The following TEX14 variants were observed in gnomAD, a reference collection of about 807,000 sequenced individuals.
TEX14 encodes the protein testis expressed 14, intercellular bridge forming factor.
TEX14 carries 168 observed loss-of-function variants against 178.6 expected under a neutral mutation model. The observed-to-expected ratio is 0.94, with a 90% CI of 0.83 to 1.07. The LOEUF (loss-of-function observed/expected upper bound fraction) is 1.07. Among genes scored for constraint, TEX14 ranks in the 50% least tolerant of loss-of-function variants. The pLI is 0.00. For synonymous variants in TEX14, 626 were observed against 634.1 expected, an observed-to-expected ratio of 0.99 and a Z score of 0.19; for missense variants, 1,730 against 1,753.6, an observed-to-expected ratio of 0.99 and a Z score of 0.24.
chr17:58,634,216 C>G (rs563625142), intron 2 of TEX14, among the ~76,000 whole-genome samples: 3 of 151,848 alleles, frequency 2.0e-5, no homozygotes, highest in Non-Finnish European at 4.4e-5. Context: ...AGTTCAAGAC[C>G]AGCTTGGCCA....
rs555582547 is a variant in TEX14, at chr17:58,629,776, A to G, written c.251+664T>C. On this transcript the variant is annotated intron_variant, in intron 3 of 31. Coordinates refer to ENST00000349033, the MANE Select transcript of TEX14 (RefSeq NM_031272.5). Reference sequence around the variant, plus strand: ...CGTGAACTCGGGAGGCAGAGCTTGCAGTGAGCCGAGATCGCACCACTGCAC... The same window carrying G: ...CGTGAACTCGGGAGGCAGAGCTTGCGGTGAGCCGAGATCGCACCACTGCAC... Among the ~76,000 whole-genome samples, 114 of 151,500 alleles carry G rather than the reference A, an allele frequency of 7.5e-4. 1 individual carries two copies. Among genetic ancestry groups the G allele is most frequent in the Non-Finnish European group, 1.5e-3 (99 of 67,870 alleles).
chr17:58,587,596 G>T lies in TEX14; in HGVS notation c.2773C>A (p.His925Asn). Reference protein sequence around the residue: ...ESRNKDDGKVHLKWKMEVKEM... With the variant: ...ESRNKDDGKVNLKWKMEVKEM... ...TTATACTCACTTTTCCATTTTAAGT[G>T]TACCTTTCCATCATCTTTATTTCTG... Residue 925 changes from histidine (H) to asparagine (N), a missense_variant, in exon 17 of 32, where the codon CAC (histidine) becomes AAC (asparagine). His to Asn is a moderately conservative substitution (Grantham distance 68). This residue lies in a region of TEX14 where 941 missense variants were observed against 1,072.4 expected (regional missense o/e 0.88). Transcript: ENST00000349033. 3.1e-6 allele frequency: 5 copies of T among 1,590,444 alleles called. No individual in the cohort carries two copies. The highest frequency in any genetic ancestry group is 4.3e-6 in the Non-Finnish European group (5 of 1,163,648).
In TEX14 at chr17:58,561,530, C is replaced by T; in HGVS notation, c.4147G>A (p.Gly1383Ser). 2 of 1,612,114 alleles carry T rather than the reference C, an allele frequency of 1.2e-6. No homozygotes were observed. The highest frequency in any genetic ancestry group is 1.7e-6 in the Non-Finnish European group (2 of 1,178,168). Residue 1383 changes from glycine (G) to serine (S), a missense_variant, in exon 29 of 32, where the codon GGC becomes AGC. This residue lies in a region of TEX14 where 941 missense variants were observed against 1,072.4 expected (regional missense o/e 0.88). Coordinates refer to ENST00000349033, the MANE Select transcript of TEX14 (RefSeq NM_031272.5). ...ESVELQDLPK[G>S]SERETNIKDQ... The stretch of plus-strand genomic sequence containing the variant: ...TTGGGGAACAATAACCTTTCAGAGC[C>T]CTTGGGAAGGTCTTGTAGCTCCACG...
chr17:58,594,176 A>G (rs568350920), intron 14 of TEX14, among the ~76,000 whole-genome samples: 1 of 152,098 alleles, frequency 6.6e-6, no homozygotes, highest in South Asian at 2.1e-4. Flanking sequence ...CCAGGAACCT[A>G]GCCCAGACAG....
rs914830177 is a variant in TEX14 at position 58,616,303 on chromosome 17, A to T, written c.639T>A (p.Phe213Leu). ...QNIYSFGFGK[F>L]YLTGATQMAY... ...CCATCTGTGTCGCCCCAGTAAGATA[A>T]AACTGAAACCAAGGCATAGCCTCAA... Residue 213 changes from phenylalanine (F) to leucine (L), a missense_variant and splice_region_variant, in exon 7 of 32, where the codon TTT becomes TTA. Physicochemically the swap from Phe to Leu is conservative, Grantham distance 22. Coordinates refer to ENST00000349033, the MANE Select transcript of TEX14 (RefSeq NM_031272.5). The T allele has an allele frequency of 1.1e-5, 17 of 1,612,332 alleles. No individual in the cohort carries two copies. The African/African-American group carries it at 2.1e-4, about 20-fold the overall frequency.
intron 1 of TEX14, among the ~76,000 whole-genome samples, chr17:58,659,137 G>C (rs902282983): frequency 6.0e-5 from 9 of 150,824 alleles, no homozygotes; most frequent in Non-Finnish European, 1.2e-4. Context: ...TTTTAAACTA[G>C]TTCAATCACA....
chr17:58,559,703 T>C (rs1420538812), intron 29 of TEX14, 141 bp from the exon 30 acceptor site: 1 of 609,314 alleles, frequency 1.6e-6, no homozygotes. Flanking sequence ...GTGTTCTCTA[T>C]GCACCAGGCA....
intron 1 of TEX14, among the ~76,000 whole-genome samples, chr17:58,662,452 CAG>C (rs2047133494): frequency 6.8e-6 from 1 of 147,028 alleles, no homozygotes; most frequent in East Asian, 2.0e-4. Context: ...CACACACACA[CAG>C]AATCAAACCA....
chr17:58,662,958 A>T (rs1382317435), intron 1 of TEX14, among the ~76,000 whole-genome samples: 1 of 152,058 alleles, frequency 6.6e-6, no homozygotes, highest in East Asian at 1.9e-4. Flanking sequence ...GCACAAAAAA[A>T]TTAGCCGGGC....
intron 3 of TEX14, among the ~76,000 whole-genome samples, chr17:58,623,346 C>T (rs969636592): frequency 6.6e-6 from 1 of 152,102 alleles, no homozygotes; most frequent in Non-Finnish European, 1.5e-5. Flanking sequence ...TTTTCTTTCC[C>T]CAGCACTCTG....
At chr17:58,628,583 G>A (rs1438800190) in intron 3 of TEX14, among the ~76,000 whole-genome samples, 5 of 152,076 alleles carry the variant, frequency 3.3e-5, no homozygotes, top group Non-Finnish European at 7.4e-5. Context: ...GTGGTGGCAC[G>A]CGCTTGTAGT....
chr17:58,638,304 T>C (rs1227450977), intron 2 of TEX14, among the ~76,000 whole-genome samples: 3 of 152,080 alleles, frequency 2.0e-5, no homozygotes, highest in Non-Finnish European at 4.4e-5. Context: ...AGCCCAGTAG[T>C]TCAAGACCAG....
intron 2 of TEX14, among the ~76,000 whole-genome samples, chr17:58,643,391 C>A (rs16943147): frequency 0.15 from 22,240 of 151,990 alleles, 2,520 homozygotes; most frequent in East Asian, 0.31. Flanking sequence ...ATACAGCCTA[C>A]CCAAGCTGAC....
Position 58,557,058 on chromosome 17 carries a change from G to A in TEX14, c.4320-11C>T, listed in dbSNP as rs2044150649. ...TCCAGCACGATTATCCTATGCACAT[G>A]TTTTTTAAAGAACAAAAAAGGAAGT... is the stretch of plus-strand genomic sequence containing the variant. On this transcript the variant is annotated splice_polypyrimidine_tract_variant and intron_variant, in intron 31 of 31. Coordinates refer to ENST00000349033, the MANE Select transcript of TEX14 (RefSeq NM_031272.5). 1.2e-6 allele frequency: 2 copies of A among 1,612,682 alleles called. No homozygotes were observed. The highest frequency in any genetic ancestry group is 1.7e-5 in the Admixed American group (1 of 59,972).
In TEX14 at chr17:58,621,673, G is replaced by A. The variant is rs200087418; in HGVS notation, c.531C>T (p.Ser177=). The change falls in exon 5 of 32, where the codon TCC becomes TCT. Residue 177 remains serine, a synonymous_variant. Transcript: ENST00000349033. ...ACCCCTGCACGAGGCCCCCACACCAGGACGGGCTGTAGACAAGCCGCTGCG... is the reference window on the plus strand; with the variant it reads ...ACCCCTGCACGAGGCCCCCACACCAAGACGGGCTGTAGACAAGCCGCTGCG... ...DSPQRLVYSP[S]WCGGLVQGNP... The A allele has an allele frequency of 2.5e-6, 4 of 1,614,100 alleles. No homozygotes were observed. The highest frequency in any genetic ancestry group is 2.7e-5 in the African/African-American group (2 of 75,058).
At chr17:58,649,078 CTTT>C (rs554128326) in intron 2 of TEX14, among the ~76,000 whole-genome samples, 1 of 133,260 alleles carries the variant, frequency 7.5e-6, no homozygotes, top group African/African-American at 2.7e-5. Flanking sequence ...CGCCCGGCCT[CTTT>C]TTTTTTTTTT....
At chr17:58,648,203 A>G (rs932525417) in intron 2 of TEX14, 1 of 152,292 alleles carries the variant, frequency 6.6e-6, no homozygotes, top group African/African-American at 2.4e-5. Context: ...TTTATCCTAA[A>G]GCCTGTCCTT....
intron 5 of TEX14, 98 bp from the exon 6 acceptor site, chr17:58,617,717 G>T: frequency 1.3e-6 from 1 of 779,398 alleles, no homozygotes; most frequent in Non-Finnish European, 2.1e-6. Context: ...AGTTGACTTT[G>T]TCTTTACTGC....
chr17:58,605,751 G>T (rs879694362), intron 10 of TEX14, among the ~76,000 whole-genome samples: 7 of 152,196 alleles, frequency 4.6e-5, no homozygotes, highest in African/African-American at 1.7e-4. Flanking sequence ...ATATTTGTCT[G>T]AAAGTCACTT....
Sources: gnomAD v4.1 joint callset for allele counts (sites outside exome capture counted in the v4.1 genomes callset) on GRCh38, gnomAD v4.1.1 for gene constraint, gnomAD v4.1.1 regional missense constraint, MANE v1.5 for transcripts, NCBI Gene and HGNC (gene_info 2026-07-23, HGNC 2026-07-21) for gene names.